The following NRXN3 variants were observed in gnomAD, a reference collection of about 807,000 sequenced individuals.
NRXN3 encodes neurexin III.
A neutral mutation model predicts 137.6 loss-of-function variants in NRXN3; 32 were observed. That is an observed-to-expected ratio of 0.23 (90% CI 0.18 to 0.31). The LOEUF is 0.31. NRXN3 is among the 10% of genes least tolerant of loss of function. The probability of loss-of-function intolerance (pLI) is 1.00; values close to 1 mark genes in which losing one functional copy is unlikely to be tolerated. For missense variants in NRXN3, 1,574 were observed against 2,062.5 expected, an observed-to-expected ratio of 0.76 and a Z score of 4.59; for synonymous variants, 798 against 784.5, an observed-to-expected ratio of 1.02 and a Z score of -0.29.
chr14:79,300,065 CA>C (rs2084879225), intron 15 of NRXN3, among the ~76,000 whole-genome samples: 1 of 151,982 alleles, frequency 6.6e-6, no homozygotes, highest in African/African-American at 2.4e-5. Context: ...CGACAAGTAT[CA>C]AAGGAATGAG....
At chr14:79,446,995 C>G (rs567577423) in intron 15 of NRXN3, among the ~76,000 whole-genome samples, 53 of 152,240 alleles carry the variant, frequency 3.5e-4, no homozygotes, top group African/African-American at 1.3e-3. Flanking sequence ...AACTAAAGAT[C>G]CTTTTCAAAA....
Position 79,805,169 on chromosome 14 carries a change from G to A in NRXN3, c.4072G>A (p.Val1358Ile). 1.9e-6 allele frequency: 3 copies of A among 1,613,648 alleles called. No homozygotes were observed. The highest frequency in any genetic ancestry group is 2.5e-6 in the Non-Finnish European group (3 of 1,179,734). The change falls in exon 20 of 21, where the codon GTT becomes ATT. Residue 1358 changes from valine to isoleucine, a missense_variant. Physicochemically the swap from Val to Ile is conservative, Grantham distance 29. Coordinates refer to ENST00000335750, the MANE Select transcript of NRXN3 (RefSeq NM_001330195.2). The stretch of plus-strand genomic sequence containing the variant: ...ATGTTCAAGTGATGATGAAGACTTT[G>A]TTGAATGTGAGCCGAGTACAGGTAG... Reference protein sequence around the residue: ...AECSSDDEDFVECEPSTDKSL... With the variant: ...AECSSDDEDFIECEPSTDKSL...
intron 19 of NRXN3, among the ~76,000 whole-genome samples, chr14:79,766,338 T>C (rs1351446928): frequency 6.6e-6 from 1 of 152,210 alleles, no homozygotes; most frequent in Non-Finnish European, 1.5e-5. Context: ...CTTCATGTCA[T>C]GTGGCTAACG....
intron 4 of NRXN3, among the ~76,000 whole-genome samples, chr14:78,374,163 T>G (rs1014531385): frequency 6.6e-6 from 1 of 152,190 alleles, no homozygotes; most frequent in African/African-American, 2.4e-5. Flanking sequence ...GTAAATATTA[T>G]ATATTAGGAT....
chr14:79,132,739 A>G (rs917713384), intron 15 of NRXN3, among the ~76,000 whole-genome samples: 1 of 152,214 alleles, frequency 6.6e-6, no homozygotes, highest in Non-Finnish European at 1.5e-5. Flanking sequence ...TGAGTTCCCT[A>G]GGAACAGACT....
intron 1 of NRXN3, among the ~76,000 whole-genome samples, chr14:78,230,441 G>A (rs780801476): frequency 6.6e-6 from 1 of 152,078 alleles, no homozygotes; most frequent in African/African-American, 2.4e-5. Flanking sequence ...CTAGGTGATG[G>A]AGAGGCTGGG....
At chr14:79,030,321 A>G (rs1352211405) in intron 15 of NRXN3, among the ~76,000 whole-genome samples, 1 of 152,014 alleles carries the variant, frequency 6.6e-6, no homozygotes, top group Non-Finnish European at 1.5e-5. Flanking sequence ...TTCCCAGTTG[A>G]GAATCACTTC....
At chr14:79,388,772 C>G (rs962727230) in intron 15 of NRXN3, among the ~76,000 whole-genome samples, 2 of 152,154 alleles carry the variant, frequency 1.3e-5, no homozygotes, top group African/African-American at 2.4e-5. Context: ...TGGGTCCCCA[C>G]TCCAATCTTA....
rs535880732 is a variant in NRXN3, at chr14:79,356,728, C to CT, written c.3263-110485dup. On this transcript the variant is annotated intron_variant, in intron 15 of 20. Coordinates refer to ENST00000335750, the MANE Select transcript of NRXN3 (RefSeq NM_001330195.2). ...AGCTCCTGCTGATATGTTCAATTTA[C>CT]TTTTTTTTCTTTTTTTTGAAATGGA... Among the ~76,000 whole-genome samples, 219 of 151,990 alleles carry CT rather than the reference C, an allele frequency of 1.4e-3. 2 individuals are homozygous for CT. Among genetic ancestry groups the CT allele is most frequent in the African/African-American group, 4.8e-3 (197 of 41,450 alleles).
At chr14:78,177,173 G>A (rs2059352139) in intron 1 of NRXN3, among the ~76,000 whole-genome samples, 1 of 152,156 alleles carries the variant, frequency 6.6e-6, no homozygotes, top group Admixed American at 6.5e-5. Flanking sequence ...TCCTAGACTG[G>A]CCTAGCCTTC....
intron 15 of NRXN3, among the ~76,000 whole-genome samples, chr14:79,462,498 T>TAA (rs2096358742): frequency 7.5e-6 from 1 of 132,722 alleles, no homozygotes; most frequent in Admixed American, 8.3e-5. Flanking sequence ...TTTTGATATA[T>TAA]ATATATACAC....
intron 15 of NRXN3, among the ~76,000 whole-genome samples, chr14:79,192,037 T>C (rs4903838): frequency 0.32 from 48,598 of 151,756 alleles, 8,306 homozygotes; most frequent in Non-Finnish European, 0.39. Context: ...TCAAAGTGCC[T>C]GCCACCACAC....
chr14:79,239,546 A>G (rs1185206196), intron 15 of NRXN3, among the ~76,000 whole-genome samples: 1 of 152,172 alleles, frequency 6.6e-6, no homozygotes, highest in Non-Finnish European at 1.5e-5. Flanking sequence ...GTGGGCACTA[A>G]GAGTAAAGAT....
intron 19 of NRXN3, among the ~76,000 whole-genome samples, chr14:79,729,931 T>G (rs1285679013): frequency 6.6e-6 from 1 of 152,112 alleles, no homozygotes; most frequent in Non-Finnish European, 1.5e-5. Flanking sequence ...AATGGTATGA[T>G]CCATGTGAAC....
At chr14:79,387,749 A>G (rs1453034777) in intron 15 of NRXN3, among the ~76,000 whole-genome samples, 1 of 152,012 alleles carries the variant, frequency 6.6e-6, no homozygotes, top group African/African-American at 2.4e-5. Context: ...TGTGGCACAT[A>G]TACACCATGG....
At chr14:79,315,993 A>G (rs889971358) in intron 15 of NRXN3, among the ~76,000 whole-genome samples, 2 of 152,206 alleles carry the variant, frequency 1.3e-5, no homozygotes, top group Non-Finnish European at 2.9e-5. Flanking sequence ...CGAAATCACT[A>G]GGCATCAAAA....
chr14:78,762,083 A>G (rs1356416641), intron 8 of NRXN3, among the ~76,000 whole-genome samples: 3 of 152,138 alleles, frequency 2.0e-5, no homozygotes, highest in Non-Finnish European at 2.9e-5. Context: ...CAGATCTCTT[A>G]CTCCAAAGAC....
intron 1 of NRXN3, among the ~76,000 whole-genome samples, chr14:78,200,940 T>TG (rs577197927): frequency 1.9e-3 from 296 of 152,196 alleles, no homozygotes; most frequent in Non-Finnish European, 2.4e-3. Flanking sequence ...TCTTGAGCTA[T>TG]GGGGGGCCTC....
chr14:78,586,686 T>G (rs980708543), intron 4 of NRXN3, among the ~76,000 whole-genome samples: 4 of 152,134 alleles, frequency 2.6e-5, no homozygotes, highest in Middle Eastern at 3.2e-3. Flanking sequence ...AGGAGGAAGG[T>G]GAGCCATGTC....
Sources: allele counts gnomAD v4.1 joint callset (sites outside exome capture counted in the v4.1 genomes callset), GRCh38; gene constraint gnomAD v4.1.1; transcripts MANE v1.5; gene names NCBI Gene and HGNC (gene_info 2026-07-23, HGNC 2026-07-21).